Variants in SLC8A2 observed in about 807,000 individuals in gnomAD.
The protein encoded by SLC8A2 is sodium/calcium exchanger 2.
In SLC8A2, 14 loss-of-function variants were observed where a neutral mutation model predicts 70.2. That is an observed-to-expected ratio of 0.20 (90% CI 0.13 to 0.31). SLC8A2 has a LOEUF of 0.31. Among genes scored for constraint, SLC8A2 ranks in the 10% least tolerant of loss-of-function variants. The pLI, the probability that SLC8A2 is intolerant of heterozygous loss-of-function variation, is 1.00. For synonymous variants in SLC8A2, 575 were observed against 594.3 expected (o/e 0.97, Z 0.47); for missense variants, 779 against 1,320.1 (o/e 0.59, Z 6.35).
chr19:47,442,946 G>C (rs886978652), intron 4 of SLC8A2, among the ~76,000 whole-genome samples: 3 of 152,134 alleles, frequency 2.0e-5, no homozygotes, highest in African/African-American at 7.2e-5. Context: ...GCCTCCCAAA[G>C]TGCTGGGATT....
intron 3 of SLC8A2, among the ~76,000 whole-genome samples, chr19:47,456,716 GGAT>G (rs1967307398): frequency 1.3e-5 from 2 of 152,196 alleles, no homozygotes; most frequent in South Asian, 4.1e-4. Context: ...TGTAGCCTTC[GGAT>G]AGCCATGCTC....
At chr19:47,436,902 A>G (rs1328425316) in intron 8 of SLC8A2, among the ~76,000 whole-genome samples, 1 of 152,104 alleles carries the variant, frequency 6.6e-6, no homozygotes, top group African/African-American at 2.4e-5. Context: ...CTCCAGGGCA[A>G]CGGAGGAACC....
At chr19:47,446,202 G>C (rs916708094) in intron 4 of SLC8A2, among the ~76,000 whole-genome samples, 1 of 151,818 alleles carries the variant, frequency 6.6e-6, no homozygotes, top group African/African-American at 2.4e-5. Context: ...GCGCGTGGGC[G>C]GCACGGAGGA....
At chr19:47,437,066 T>G (rs1967038579) in intron 8 of SLC8A2, among the ~76,000 whole-genome samples, 1 of 152,136 alleles carries the variant, frequency 6.6e-6, no homozygotes, top group Admixed American at 6.5e-5. Flanking sequence ...CTCCCTTCTC[T>G]GCCCTTTCTG....
intron 2 of SLC8A2, among the ~76,000 whole-genome samples, chr19:47,458,413 CATCT>C (rs1967344174): frequency 6.7e-6 from 1 of 148,466 alleles, no homozygotes; most frequent in Non-Finnish European, 1.5e-5. Context: ...TGCCTTTCCC[CATCT>C]CTCTCCCCCG....
intron 9 of SLC8A2, among the ~76,000 whole-genome samples, chr19:47,431,559 G>A (rs1966960311): frequency 2.0e-5 from 3 of 146,722 alleles, no homozygotes. Flanking sequence ...TGAGACAGAA[G>A]AATCGCTTGA....
chr19:47,439,463 G>A (rs995771696), intron 6 of SLC8A2, among the ~76,000 whole-genome samples: 2 of 152,118 alleles, frequency 1.3e-5, no homozygotes, highest in Admixed American at 6.5e-5. Flanking sequence ...ACCCCGGGGG[G>A]TGGAGGTTGC....
At chr19:47,470,685 G>A (rs1376198288) in intron 1 of SLC8A2, among the ~76,000 whole-genome samples, 2 of 152,248 alleles carry the variant, frequency 1.3e-5, no homozygotes, top group African/African-American at 2.4e-5. Context: ...AGGTATGGAA[G>A]TGAGACGGCA....
intron 3 of SLC8A2, among the ~76,000 whole-genome samples, chr19:47,451,448 A>G (rs1967234218): frequency 6.6e-6 from 1 of 152,006 alleles, no homozygotes; most frequent in Non-Finnish European, 1.5e-5. Flanking sequence ...AGCTGGGACT[A>G]CAGGCTCGTG....
chr19:47,446,880 C>T (rs915256323), intron 4 of SLC8A2, among the ~76,000 whole-genome samples: 4 of 152,006 alleles, frequency 2.6e-5, no homozygotes, highest in Non-Finnish European at 5.9e-5. Context: ...GTATAAATGG[C>T]TTTGTGTCCA....
At position 47,428,037 on chromosome 19, in the gene SLC8A2, T is replaced by C. The variant is rs1966896146; in HGVS notation, c.*2052A>G. 1 of 152,114 alleles carries C rather than the reference T, an allele frequency of 6.6e-6. No individual in the cohort carries two copies. Among genetic ancestry groups the C allele is most frequent in the African/African-American group, 2.4e-5 (1 of 41,376 alleles). The allele number at this position is 152,114 out of a possible 1,614,324, so 9.4% of individuals were successfully genotyped here. ...TCCTGTAGGATCTGAGAAAATTACT[T>C]GCTTTATTTAGGAAACCCCATCAAC... On this transcript the variant is annotated 3_prime_UTR_variant, in exon 10 of 10. Coordinates refer to ENST00000236877, the MANE Select transcript of SLC8A2 (RefSeq NM_015063.3).
intron 2 of SLC8A2, among the ~76,000 whole-genome samples, chr19:47,462,076 G>A (rs901967425): frequency 7.2e-5 from 11 of 152,138 alleles, no homozygotes; most frequent in African/African-American, 1.7e-4. Flanking sequence ...CCCACATGCC[G>A]GCTCATTTCA....
chr19:47,452,039 C>G (rs754682113), intron 3 of SLC8A2, among the ~76,000 whole-genome samples: 38 of 152,224 alleles, frequency 2.5e-4, no homozygotes, highest in Non-Finnish European at 5.0e-4. Context: ...CTGTGCATCA[C>G]TCAATTGACG....
rs1246893658 is a variant in SLC8A2, at chr19:47,428,545, C to T, written c.*1544G>A. 1 of 152,404 alleles carries T rather than the reference C, an allele frequency of 6.6e-6. No individual in the cohort carries two copies. The highest frequency in any genetic ancestry group is 6.6e-5 in the Admixed American group (1 of 15,256). 9.4% of individuals were successfully genotyped at this position (152,404 alleles called of 1,614,324 possible). ...GCGCTGCTGCTATATGTGGGTGTGT[C>T]CCGCAGACGACCGCGGGCCGCAAAA... On this transcript the variant is annotated 3_prime_UTR_variant, in exon 10 of 10. Coordinates refer to ENST00000236877, the MANE Select transcript of SLC8A2 (RefSeq NM_015063.3).
At chr19:47,449,858 G>A (rs1034468224) in intron 3 of SLC8A2, among the ~76,000 whole-genome samples, 3 of 151,306 alleles carry the variant, frequency 2.0e-5, no homozygotes, top group African/African-American at 7.3e-5. Context: ...AGACTTCTGC[G>A]TTTACCCTGA....
At chr19:47,452,444 GAGTGT>G (rs1967254477) in intron 3 of SLC8A2, among the ~76,000 whole-genome samples, 3 of 60,546 alleles carry the variant, frequency 5.0e-5, no homozygotes, top group Admixed American at 2.2e-4. Context: ...GAGAGAGAGA[GAGTGT>G]GTGTGTGTGT....
At chr19:47,449,215 G>T (rs1242351730) in intron 3 of SLC8A2, among the ~76,000 whole-genome samples, 1 of 152,110 alleles carries the variant, frequency 6.6e-6, no homozygotes, top group East Asian at 1.9e-4. Context: ...AGAGGGAGCT[G>T]TTGGCATGGT....
chr19:47,440,234 G>C (rs1967084636), intron 6 of SLC8A2, among the ~76,000 whole-genome samples: 1 of 151,944 alleles, frequency 6.6e-6, no homozygotes, highest in African/African-American at 2.4e-5. Flanking sequence ...CTTTAGCTTT[G>C]ACCTAAATCT....
At chr19:47,440,613 CAG>C (rs772117254) in intron 6 of SLC8A2, among the ~76,000 whole-genome samples, 38 of 150,258 alleles carry the variant, frequency 2.5e-4, no homozygotes, top group Non-Finnish European at 3.8e-4. Flanking sequence ...TTATTTGAGG[CAG>C]AGTTTCGTTC....
Sources: allele counts gnomAD v4.1 joint callset (sites outside exome capture counted in the v4.1 genomes callset), GRCh38; gene constraint gnomAD v4.1.1; transcripts MANE v1.5; gene names NCBI Gene and HGNC (gene_info 2026-07-23, HGNC 2026-07-21).